YWHAE: variants seen among roughly 807,000 people sequenced by gnomAD.
The protein encoded by YWHAE is 14-3-3 protein epsilon.
A neutral mutation model predicts 30.1 loss-of-function variants in YWHAE; 4 were observed. The observed-to-expected ratio is 0.13, with a 90% CI of 0.07 to 0.30. The LOEUF (loss-of-function observed/expected upper bound fraction) is 0.30. Ranked by LOEUF, YWHAE falls within the 10% of genes least tolerant of loss-of-function variation. The pLI is 1.00. For synonymous variants in YWHAE, 118 were observed against 111.8 expected, an observed-to-expected ratio of 1.06 and a Z score of -0.35; for missense variants, 121 against 315.9, an observed-to-expected ratio of 0.38 and a Z score of 4.68.
At chr17:1,368,125 G>A (rs1049741499) in intron 1 of YWHAE, among the ~76,000 whole-genome samples, 2 of 151,904 alleles carry the variant, frequency 1.3e-5, no homozygotes, top group Non-Finnish European at 1.5e-5. Context: ...GGTGACTCAC[G>A]CCTGTAATCC....
chr17:1,373,175 G>A (rs763365607), intron 1 of YWHAE, among the ~76,000 whole-genome samples: 5 of 151,776 alleles, frequency 3.3e-5, no homozygotes, highest in Admixed American at 6.6e-5. Flanking sequence ...CTCAGGAGGC[G>A]GAACTTGCGG....
intron 5 of YWHAE, among the ~76,000 whole-genome samples, chr17:1,352,527 CTCTT>C (rs979282515): frequency 8.7e-5 from 13 of 149,858 alleles, no homozygotes; most frequent in African/African-American, 2.7e-4. Context: ...GAAACGTTAT[CTCTT>C]TTTTTTTTTT....
At chr17:1,379,692 C>A (rs2073176054) in intron 1 of YWHAE, among the ~76,000 whole-genome samples, 1 of 152,048 alleles carries the variant, frequency 6.6e-6, no homozygotes, top group Non-Finnish European at 1.5e-5. Context: ...TTAAGATGAG[C>A]AAAAGGCTGG....
intron 1 of YWHAE, among the ~76,000 whole-genome samples, chr17:1,375,264 A>G (rs2073105182): frequency 1.3e-5 from 2 of 152,192 alleles, no homozygotes. Flanking sequence ...ATGTACCCCA[A>G]AACTATATAA....
intron 4 of YWHAE, among the ~76,000 whole-genome samples, chr17:1,355,017 C>T (rs375936621): frequency 2.7e-5 from 3 of 111,754 alleles, no homozygotes; most frequent in African/African-American, 9.9e-5. Flanking sequence ...GTTATGTTGC[C>T]CAGGCTGGAC....
intron 1 of YWHAE, chr17:1,369,754 AT>A (rs764707006): frequency 6.6e-6 from 1 of 152,212 alleles, no homozygotes; most frequent in Non-Finnish European, 1.5e-5. Flanking sequence ...GCAAAAAAAA[AT>A]ATTGCAATAA....
intron 1 of YWHAE, among the ~76,000 whole-genome samples, chr17:1,372,592 T>G (rs2073058821): frequency 1.3e-5 from 2 of 152,194 alleles, no homozygotes; most frequent in Non-Finnish European, 2.9e-5. Context: ...ATTGCAGGGT[T>G]GTTAATCGGC....
At chr17:1,348,895 G>A (rs578191587) in intron 5 of YWHAE, among the ~76,000 whole-genome samples, 2 of 151,478 alleles carry the variant, frequency 1.3e-5, no homozygotes, top group South Asian at 2.1e-4. Flanking sequence ...GCATGGTGGC[G>A]GGCACCTGTA....
At chr17:1,371,808 T>C (rs1473439441) in intron 1 of YWHAE, among the ~76,000 whole-genome samples, 1 of 151,924 alleles carries the variant, frequency 6.6e-6, no homozygotes, top group East Asian at 1.9e-4. Context: ...TGCTGCAGCA[T>C]CTACATCAGC....
In YWHAE at chr17:1,345,358, G is replaced by A; in HGVS notation, c.*89C>T. On this transcript the variant is annotated 3_prime_UTR_variant, in exon 6 of 6. Coordinates refer to ENST00000264335, the MANE Select transcript of YWHAE (RefSeq NM_006761.5). ...GAGACCAAATGTAAAAGTCAGATTT[G>A]GTGGTTCTCAGTGACAATGGGGAGT... 10 of 1,291,252 alleles carry A rather than the reference G, an allele frequency of 7.7e-6. No homozygotes were observed. The highest frequency in any genetic ancestry group is 1.9e-4 in the Middle Eastern group (1 of 5,378). 80.0% of individuals were successfully genotyped at this position (1,291,252 alleles called of 1,614,324 possible).
intron 1 of YWHAE, among the ~76,000 whole-genome samples, chr17:1,392,679 G>A (rs2073406606): frequency 6.6e-6 from 1 of 151,828 alleles, no homozygotes; most frequent in Non-Finnish European, 1.5e-5. Flanking sequence ...GTGAAACTCT[G>A]TCTCTACTAA....
chr17:1,355,097 T>C (rs2072711076), intron 4 of YWHAE, among the ~76,000 whole-genome samples: 1 of 89,560 alleles, frequency 1.1e-5, no homozygotes, highest in African/African-American at 4.4e-5. Flanking sequence ...CGGTACACAC[T>C]ACCACCCCCA....
rs544115909 is a variant in YWHAE at position 1,394,436 on chromosome 17, C to CAAAAAAAA, written c.64+5603_64+5610dup. 2.4e-3 allele frequency among the ~76,000 whole-genome samples: 142 copies of CAAAAAAAA among 58,526 alleles called. 2 individuals are homozygous for CAAAAAAAA. Among genetic ancestry groups the CAAAAAAAA allele is most frequent in the African/African-American group, 0.01 (115 of 11,328 alleles). The allele number at this position is 58,526 out of a possible 152,430, so 38.4% of individuals were successfully genotyped here. Reference sequence around the variant, plus strand: ...GGGCAACATAGAGACCTCAAATCCACAAAAAAAAAAAAAAAAAAAAAAAAA... The same window carrying CAAAAAAAA: ...GGGCAACATAGAGACCTCAAATCCACAAAAAAAAAAAAAAAAAAAAAAAAAAAAAAAAA... On this transcript the variant is annotated intron_variant, in intron 1 of 5. Coordinates refer to ENST00000264335, the MANE Select transcript of YWHAE (RefSeq NM_006761.5).
intron 4 of YWHAE, among the ~76,000 whole-genome samples, chr17:1,354,964 G>GTTTTTTTTTTTT (rs56351171): frequency 1.3e-5 from 1 of 74,716 alleles, no homozygotes; most frequent in Non-Finnish European, 2.7e-5. Flanking sequence ...GCCCAGCCTA[G>GTTTTTTTTTTTT]TTTTTTTTTT....
chr17:1,350,936 G>C (rs1011480724), intron 5 of YWHAE, among the ~76,000 whole-genome samples: 1 of 151,318 alleles, frequency 6.6e-6, no homozygotes, highest in African/African-American at 2.4e-5. Flanking sequence ...GCGCACGCCT[G>C]TAATCCCAGC....
chr17:1,381,181 T>G (rs1376598963), intron 1 of YWHAE, among the ~76,000 whole-genome samples: 1 of 152,152 alleles, frequency 6.6e-6, no homozygotes, highest in Non-Finnish European at 1.5e-5. Flanking sequence ...AGTTACAGAC[T>G]GGCCTGGCCA....
chr17:1,361,558 T>A, intron 3 of YWHAE: 1 of 452,144 alleles, frequency 2.2e-6, no homozygotes, highest in Non-Finnish European at 3.8e-6. Flanking sequence ...AATAAAATTA[T>A]CACCTGATAG....
intron 5 of YWHAE, among the ~76,000 whole-genome samples, chr17:1,352,911 A>C (rs1372129799): frequency 2.0e-5 from 3 of 152,040 alleles, no homozygotes; most frequent in South Asian, 4.1e-4. Context: ...ACCACCACCA[A>C]ATGTAAAACT....
intron 1 of YWHAE, among the ~76,000 whole-genome samples, chr17:1,388,956 C>A (rs1478424718): frequency 1.3e-5 from 2 of 152,082 alleles, no homozygotes; most frequent in Non-Finnish European, 2.9e-5. Flanking sequence ...AGTCATTAAT[C>A]CCACTAAATC....
Sources: gnomAD v4.1 joint callset for allele counts (sites outside exome capture counted in the v4.1 genomes callset) on GRCh38, gnomAD v4.1.1 for gene constraint, MANE v1.5 for transcripts, NCBI Gene and HGNC (gene_info 2026-07-23, HGNC 2026-07-21) for gene names.